The following DISC1 variants were observed in gnomAD, a reference collection of about 807,000 sequenced individuals.
DISC1 encodes the protein DISC1 scaffold protein, also known as disrupted in schizophrenia 1 protein.
Under a neutral mutation model 84.5 loss-of-function variants are expected in DISC1, and 57 were observed. That is an observed-to-expected ratio of 0.67 (90% CI 0.55 to 0.84). DISC1 has a LOEUF of 0.84. Among genes scored for constraint, DISC1 ranks in the 40% least tolerant of loss-of-function variants. The pLI is 0.00. For synonymous variants in DISC1, 411 were observed against 415.2 expected (o/e 0.99, Z 0.12); for missense variants, 1,000 against 1,057.8 (o/e 0.95, Z 0.76).
At chr1:231,733,155 G>C (rs888657375) in intron 3 of DISC1, among the ~76,000 whole-genome samples, 1 of 152,030 alleles carries the variant, frequency 6.6e-6, no homozygotes, top group Non-Finnish European at 1.5e-5. Context: ...GAGTGATGGT[G>C]GTGATGGTAG....
chr1:231,830,866 A>G lies in DISC1; in HGVS notation c.1981+12349A>G, dbSNP rs531584591. Among the ~76,000 whole-genome samples the G allele has an allele frequency of 1.8e-4, 27 of 152,352 alleles. No individual in the cohort carries two copies. The South Asian group carries it at 5.6e-3, about 32-fold the overall frequency. ...TGAGGTGTGTTTTTAAAAGACCATT[A>G]GTCTGTTCTACCTTTCCTGAAGACG... On this transcript the variant is annotated intron_variant, in intron 9 of 12. Transcript: ENST00000439617.
At chr1:231,965,704 G>A (rs1027814886) in intron 10 of DISC1, among the ~76,000 whole-genome samples, 3 of 152,220 alleles carry the variant, frequency 2.0e-5, no homozygotes, top group East Asian at 1.9e-4. Context: ...TGCACCAGGT[G>A]ACTGATGCTC....
At chr1:231,728,643 A>T (rs1397609619) in intron 3 of DISC1, among the ~76,000 whole-genome samples, 1 of 152,218 alleles carries the variant, frequency 6.6e-6, no homozygotes, top group Admixed American at 6.5e-5. Context: ...AGTTTGTTCT[A>T]CCAAGGACCT....
rs114575840 is a variant in DISC1, at chr1:231,886,386, T to C, written c.1981+67869T>C. The stretch of plus-strand genomic sequence containing the variant: ...CTGTGGATATAAATTCCAGGTGAGG[T>C]TAGTTGTTAAGGAAAGAATTTCCAT... On this transcript the variant is annotated intron_variant, in intron 9 of 12. Coordinates refer to ENST00000439617, the MANE Select transcript of DISC1 (RefSeq NM_018662.3). Among the ~76,000 whole-genome samples the C allele has an allele frequency of 3.1e-3, 465 of 152,264 alleles. 3 individuals carry two copies. Among genetic ancestry groups the C allele is most frequent in the African/African-American group, 0.011 (453 of 41,536 alleles).
rs148580631 is a variant in DISC1 at position 231,825,162 on chromosome 1, A to G, written c.1981+6645A>G. On this transcript the variant is annotated intron_variant, in intron 9 of 12. Transcript: ENST00000439617. Reference sequence around the variant, plus strand: ...ATATATATTTTTAAAAGTCCCTACTATTGTTACATCTTTTTTCACTTGTCT... The same window carrying G: ...ATATATATTTTTAAAAGTCCCTACTGTTGTTACATCTTTTTTCACTTGTCT... Among the ~76,000 whole-genome samples, 16 of 152,122 alleles carry G rather than the reference A, an allele frequency of 1.1e-4. No homozygotes were observed. In the East Asian group the frequency reaches 3.1e-3, roughly 29 times the overall value.
intron 9 of DISC1, among the ~76,000 whole-genome samples, chr1:231,831,527 T>G (rs369549321): frequency 0.062 from 7,059 of 113,208 alleles, no homozygotes; most frequent in Admixed American, 0.11. Flanking sequence ...GGGACAGAAG[T>G]TGGAGAGCTA....
At chr1:231,814,494 G>A (rs574292087) in intron 8 of DISC1, among the ~76,000 whole-genome samples, 79 of 152,196 alleles carry the variant, frequency 5.2e-4, no homozygotes, top group African/African-American at 1.7e-3. Flanking sequence ...CATTAAAAAG[G>A]AAAATAAATT....
At chr1:231,695,903 C>T (rs1432800878) in intron 2 of DISC1, among the ~76,000 whole-genome samples, 1 of 152,108 alleles carries the variant, frequency 6.6e-6, no homozygotes, top group Non-Finnish European at 1.5e-5. Context: ...CCTCAGGGAC[C>T]TCAGCCCAGC....
chr1:231,867,109 G>A (rs1349516383), intron 9 of DISC1, among the ~76,000 whole-genome samples: 1 of 152,134 alleles, frequency 6.6e-6, no homozygotes, highest in Non-Finnish European at 1.5e-5. Flanking sequence ...GTTATGGGGT[G>A]CGCATGCCTC....
intron 1 of DISC1, among the ~76,000 whole-genome samples, chr1:231,651,586 A>G (rs1278225268): frequency 6.6e-6 from 1 of 152,170 alleles, no homozygotes; most frequent in African/African-American, 2.4e-5. Context: ...TCATAGCTCA[A>G]ACACCATGCT....
chr1:231,784,682 T>G (rs1288071947), intron 6 of DISC1, among the ~76,000 whole-genome samples: 1 of 152,202 alleles, frequency 6.6e-6, no homozygotes, highest in African/African-American at 2.4e-5. Flanking sequence ...CCTCCCATGA[T>G]CCTCAAAAGA....
chr1:231,945,120 C>T (rs529246588), intron 9 of DISC1: 1 of 152,260 alleles, frequency 6.6e-6, no homozygotes, highest in African/African-American at 2.4e-5. Context: ...AGCTCTCCAC[C>T]CCATCACAAA....
chr1:231,704,313 CCCAGGATGG>C (rs2066758773), intron 3 of DISC1, among the ~76,000 whole-genome samples: 1 of 152,086 alleles, frequency 6.6e-6, no homozygotes, highest in African/African-American at 2.4e-5. Flanking sequence ...ATCTGCAGTG[CCCAGGATGG>C]GGGGTGGGAG....
intron 5 of DISC1, among the ~76,000 whole-genome samples, chr1:231,768,338 A>T (rs2076310246): frequency 6.6e-6 from 1 of 152,144 alleles, no homozygotes; most frequent in East Asian, 1.9e-4. Flanking sequence ...TATTCGTGTT[A>T]TCTGAATTTG....
chr1:232,010,521 A>G (rs988935027), intron 11 of DISC1, among the ~76,000 whole-genome samples: 1 of 152,156 alleles, frequency 6.6e-6, no homozygotes, highest in African/African-American at 2.4e-5. Context: ...TTCAGCAGAG[A>G]TCCCTTTCTC....
intron 6 of DISC1, among the ~76,000 whole-genome samples, chr1:231,780,187 T>G (rs373199317): frequency 0.016 from 2,216 of 141,218 alleles, 46 homozygotes; most frequent in African/African-American, 0.054. Context: ...TGTATAAATA[T>G]GTAACTAACC....
chr1:231,859,282 G>T (rs2084482966), intron 9 of DISC1, among the ~76,000 whole-genome samples: 1 of 152,180 alleles, frequency 6.6e-6, no homozygotes, highest in South Asian at 2.1e-4. Context: ...TATTTGGGCT[G>T]CTGTAACAAA....
chr1:231,743,405 G>T (rs541286105), intron 3 of DISC1, among the ~76,000 whole-genome samples: 1 of 152,314 alleles, frequency 6.6e-6, no homozygotes, highest in East Asian at 1.9e-4. Flanking sequence ...AGTGGCAGAG[G>T]TGGGGAAGAC....
intron 1 of DISC1, among the ~76,000 whole-genome samples, chr1:231,677,750 G>C (rs542673001): frequency 1.3e-5 from 2 of 152,196 alleles, no homozygotes; most frequent in African/African-American, 4.8e-5. Flanking sequence ...AGGCCAAGGC[G>C]GGTGGATCGC....
Sources: gnomAD v4.1 joint callset for allele counts (sites outside exome capture counted in the v4.1 genomes callset) on GRCh38, gnomAD v4.1.1 for gene constraint, MANE v1.5 for transcripts, NCBI Gene and HGNC (gene_info 2026-07-23, HGNC 2026-07-21) for gene names.